GRK5: variants seen among roughly 807,000 people sequenced by gnomAD.
The protein encoded by GRK5 is g protein-coupled receptor kinase GRK5.
Under a neutral mutation model 78.4 loss-of-function variants are expected in GRK5, and 40 were observed. That is an observed-to-expected ratio of 0.51 (90% CI 0.40 to 0.66). GRK5 has a LOEUF of 0.66. GRK5 is among the 30% of genes least tolerant of loss of function. GRK5 has a pLI of 0.00. For missense variants in GRK5, 598 were observed against 759.9 expected, an observed-to-expected ratio of 0.79 and a Z score of 2.50; for synonymous variants, 289 against 296.8, an observed-to-expected ratio of 0.97 and a Z score of 0.27.
At chr10:119,321,182 A>G (rs1285975710) in intron 1 of GRK5, among the ~76,000 whole-genome samples, 1 of 152,162 alleles carries the variant, frequency 6.6e-6, no homozygotes, top group Non-Finnish European at 1.5e-5. Context: ...GGTTTATTTC[A>G]TGGCACTTTT....
Position 119,373,588 on chromosome 10 carries a change from T to C in GRK5, c.149-7227T>C, listed in dbSNP as rs552028987. 6.6e-5 allele frequency among the ~76,000 whole-genome samples: 10 copies of C among 152,322 alleles called. No homozygotes were observed. The East Asian group carries it at 7.7e-4, about 12-fold the overall frequency. On this transcript the variant is annotated intron_variant, in intron 2 of 15. Transcript: ENST00000392870. ...GAGTCAAGTGAACCTCTTTCCTTTA[T>C]AAATTACCCAGTCAGGTATGTCTTT...
intron 1 of GRK5, among the ~76,000 whole-genome samples, chr10:119,319,632 AC>A (rs1390170909): frequency 3.9e-5 from 6 of 152,220 alleles, no homozygotes; most frequent in Non-Finnish European, 8.8e-5. Flanking sequence ...TGGAAGGTAA[AC>A]CCTGAACAGC....
At chr10:119,279,745 G>T (rs1474231447) in intron 1 of GRK5, among the ~76,000 whole-genome samples, 1 of 152,272 alleles carries the variant, frequency 6.6e-6, no homozygotes, top group Non-Finnish European at 1.5e-5. Flanking sequence ...ACTGATGTGC[G>T]TGCCAGTAAC....
chr10:119,244,611 A>G (rs1202432997), intron 1 of GRK5, among the ~76,000 whole-genome samples: 1 of 152,210 alleles, frequency 6.6e-6, no homozygotes, highest in Non-Finnish European at 1.5e-5. Context: ...GCTTGGGCCT[A>G]TAGTCCTAGC....
At chr10:119,424,959 T>C (rs753639768) in intron 5 of GRK5, 34 bp from the exon 6 acceptor site, 1 of 1,454,014 alleles carries the variant, frequency 6.9e-7, no homozygotes, top group Non-Finnish European at 9.7e-7. Flanking sequence ...ATCGGGATTA[T>C]AAAATGTTCA....
intron 9 of GRK5, among the ~76,000 whole-genome samples, chr10:119,438,661 C>T (rs1852972257): frequency 1.3e-5 from 2 of 152,180 alleles, no homozygotes; most frequent in African/African-American, 4.8e-5. Context: ...AACCACAGTG[C>T]CTCCTCCCTG....
At chr10:119,275,587 G>A (rs10629854) in intron 1 of GRK5, among the ~76,000 whole-genome samples, 2 of 130,634 alleles carry the variant, frequency 1.5e-5, no homozygotes, top group African/African-American at 5.5e-5. Flanking sequence ...GCGTGTGCAC[G>A]CTCTCTCTCT....
At chr10:119,210,805 C>G (rs775289963) in intron 1 of GRK5, among the ~76,000 whole-genome samples, 11 of 152,186 alleles carry the variant, frequency 7.2e-5, no homozygotes, top group Non-Finnish European at 1.0e-4. Context: ...TGAAGAAAGA[C>G]AGGCACACTT....
chr10:119,309,088 C>T (rs988099386), intron 1 of GRK5, among the ~76,000 whole-genome samples: 1 of 152,212 alleles, frequency 6.6e-6, no homozygotes, highest in African/African-American at 2.4e-5. Context: ...GTTCTTGCCA[C>T]ATCCCTGCAG....
chr10:119,221,233 C>T (rs1848652813), intron 1 of GRK5, among the ~76,000 whole-genome samples: 1 of 152,170 alleles, frequency 6.6e-6, no homozygotes, highest in Admixed American at 6.5e-5. Flanking sequence ...CCAATCCCAC[C>T]ACTCAGAAAT....
At chr10:119,208,762 C>G (rs1324263061) in intron 1 of GRK5, 1 of 151,976 alleles carries the variant, frequency 6.6e-6, no homozygotes, top group African/African-American at 2.4e-5. Context: ...GAGTCAAACC[C>G]TAAGAACGCA....
intron 12 of GRK5, among the ~76,000 whole-genome samples, chr10:119,446,195 A>T (rs1430181623): frequency 1.3e-5 from 2 of 152,158 alleles, no homozygotes; most frequent in Non-Finnish European, 2.9e-5. Flanking sequence ...TGTCCACCTG[A>T]TAGCATGATT....
chr10:119,421,272 G>T (rs976603113), intron 4 of GRK5, among the ~76,000 whole-genome samples: 7 of 152,218 alleles, frequency 4.6e-5, no homozygotes, highest in African/African-American at 1.7e-4. Flanking sequence ...CAGTTGCTCT[G>T]AAGTAGCCTG....
In GRK5 at chr10:119,275,613, G is replaced by GCGCGCA. The variant is rs1195537574; in HGVS notation, c.53-50902_53-50901insGCGCAC. ...CTCTCTCTCTCTCTCTCTCTCTCTC[G>GCGCGCA]CACACACACACACACACACACACAC... On this transcript the variant is annotated intron_variant, in intron 1 of 15. Coordinates refer to ENST00000392870, the MANE Select transcript of GRK5 (RefSeq NM_005308.3). Among the ~76,000 whole-genome samples the GCGCGCA allele has an allele frequency of 1.2e-4, 15 of 120,756 alleles. No homozygotes were observed. In the South Asian group the frequency reaches 3.0e-3, roughly 24 times the overall value. 79.2% of individuals were successfully genotyped at this position (120,756 alleles called of 152,430 possible).
At chr10:119,220,128 C>T (rs1185208435) in intron 1 of GRK5, among the ~76,000 whole-genome samples, 1 of 152,202 alleles carries the variant, frequency 6.6e-6, no homozygotes, top group South Asian at 2.1e-4. Context: ...ACAGTCAATT[C>T]TGTAATCCTC....
intron 2 of GRK5, among the ~76,000 whole-genome samples, chr10:119,355,340 T>G (rs1458755464): frequency 2.6e-5 from 4 of 152,240 alleles, no homozygotes; most frequent in Non-Finnish European, 5.9e-5. Flanking sequence ...CTAGTATAAA[T>G]AATGCTGCAA....
intron 1 of GRK5, among the ~76,000 whole-genome samples, chr10:119,317,837 T>G (rs1413898585): frequency 1.3e-5 from 2 of 151,326 alleles, no homozygotes; most frequent in African/African-American, 2.4e-5. Flanking sequence ...CTAGAAAGAG[T>G]GGTCCCGTCA....
At chr10:119,250,784 G>A (rs1016314938) in intron 1 of GRK5, among the ~76,000 whole-genome samples, 4 of 152,150 alleles carry the variant, frequency 2.6e-5, no homozygotes, top group Non-Finnish European at 4.4e-5. Context: ...CTCTTGCTCT[G>A]AGTAAAGAGG....
chr10:119,305,777 T>G (rs1589733556), intron 1 of GRK5, among the ~76,000 whole-genome samples: 3 of 151,650 alleles, frequency 2.0e-5, no homozygotes, highest in African/African-American at 7.3e-5. Context: ...GATGGAGGAA[T>G]TATTTTGACA....
Sources: allele counts gnomAD v4.1 joint callset (sites outside exome capture counted in the v4.1 genomes callset), GRCh38; gene constraint gnomAD v4.1.1; transcripts MANE v1.5; gene names NCBI Gene and HGNC (gene_info 2026-07-23, HGNC 2026-07-21).